NKAIN2: variants seen among roughly 807,000 people sequenced by gnomAD.
The protein encoded by NKAIN2 is sodium/potassium transporting ATPase interacting 2.
Under a neutral mutation model 32.6 loss-of-function variants are expected in NKAIN2, and 14 were observed. That is an observed-to-expected ratio of 0.43 (90% confidence interval 0.28 to 0.67). NKAIN2 has a LOEUF of 0.67. Among genes scored for constraint, NKAIN2 ranks in the 30% least tolerant of loss-of-function variants. NKAIN2 has a pLI of 0.17. For missense variants in NKAIN2, 198 were observed against 258.3 expected, an observed-to-expected ratio of 0.77 and a Z score of 1.60; for synonymous variants, 80 against 87.2, an observed-to-expected ratio of 0.92 and a Z score of 0.46.
At chr6:124,467,578 G>A (rs1776812225) in intron 3 of NKAIN2, among the ~76,000 whole-genome samples, 1 of 152,150 alleles carries the variant, frequency 6.6e-6, no homozygotes, top group Non-Finnish European at 1.5e-5. Context: ...AAAACTCAGA[G>A]AAGGCTCTCC....
chr6:124,282,260 C>T (rs775467639), intron 1 of NKAIN2: 3 of 362,378 alleles, frequency 8.3e-6, no homozygotes, highest in African/African-American at 2.3e-5. Context: ...TAATTTAAAT[C>T]GACTTAAGTG....
chr6:124,486,976 T>C (rs1457339381), intron 3 of NKAIN2, among the ~76,000 whole-genome samples: 1 of 152,162 alleles, frequency 6.6e-6, no homozygotes, highest in African/African-American at 2.4e-5. Flanking sequence ...TGTAAACAGT[T>C]GGCTCGAGAC....
intron 3 of NKAIN2, among the ~76,000 whole-genome samples, chr6:124,375,708 G>A (rs937754265): frequency 3.3e-5 from 5 of 151,910 alleles, no homozygotes; most frequent in African/African-American, 7.2e-5. Context: ...ATCAGCTCAC[G>A]AGAAAATGTT....
intron 3 of NKAIN2, among the ~76,000 whole-genome samples, chr6:124,389,067 A>G (rs1371546883): frequency 6.6e-6 from 1 of 152,126 alleles, no homozygotes. Flanking sequence ...AAACAGAATC[A>G]CACATAATAC....
chr6:124,658,941 TCA>T, intron 4 of NKAIN2: 1 of 133,072 alleles, frequency 7.5e-6, no homozygotes, highest in Non-Finnish European at 1.6e-5. Flanking sequence ...CCCCCATTTT[TCA>T]TAGTACTGTA....
intron 1 of NKAIN2, among the ~76,000 whole-genome samples, chr6:124,184,280 C>T (rs1168939494): frequency 2.6e-5 from 4 of 151,990 alleles, no homozygotes; most frequent in Non-Finnish European, 5.9e-5. Flanking sequence ...GTTATCTCTA[C>T]CTGGGAACCT....
At chr6:124,508,843 A>G (rs1485744539) in intron 3 of NKAIN2, among the ~76,000 whole-genome samples, 2 of 152,138 alleles carry the variant, frequency 1.3e-5, no homozygotes, top group African/African-American at 4.8e-5. Flanking sequence ...CTTCATCATC[A>G]CATGACCATC....
At chr6:123,926,178 G>C (rs1308733939) in intron 1 of NKAIN2, among the ~76,000 whole-genome samples, 1 of 152,132 alleles carries the variant, frequency 6.6e-6, no homozygotes, top group African/African-American at 2.4e-5. Flanking sequence ...AATTTGGGAG[G>C]AGGGGGTCAC....
At chr6:123,962,545 G>C (rs1777894025) in intron 1 of NKAIN2, among the ~76,000 whole-genome samples, 1 of 152,128 alleles carries the variant, frequency 6.6e-6, no homozygotes, top group South Asian at 2.1e-4. Flanking sequence ...TACGTTTACT[G>C]TTTCTCCTTA....
At chr6:124,678,405 C>CT (rs751818093) in intron 4 of NKAIN2, among the ~76,000 whole-genome samples, 12 of 151,960 alleles carry the variant, frequency 7.9e-5, no homozygotes, top group Non-Finnish European at 1.5e-4. Context: ...TTTCTTCATT[C>CT]TTTTTTTATT....
chr6:124,098,838 C>G (rs530763843), intron 1 of NKAIN2, among the ~76,000 whole-genome samples: 1 of 152,096 alleles, frequency 6.6e-6, no homozygotes, highest in South Asian at 2.1e-4. Context: ...CCACTGCACT[C>G]CAGCCTGGGC....
rs184912908 is a variant in NKAIN2 at position 124,266,295 on chromosome 6, A to T, written c.55-16710A>T. On this transcript the variant is annotated intron_variant, in intron 1 of 6. Coordinates refer to ENST00000368417, the MANE Select transcript of NKAIN2 (RefSeq NM_001040214.3). ...ATATGGCTGGCTTCTCACATTATTT[A>T]ACCCATATTTATCACTCTGCTGCCC... is the stretch of plus-strand genomic sequence containing the variant. Among the ~76,000 whole-genome samples the T allele has an allele frequency of 2.0e-4, 30 of 152,182 alleles. No homozygotes were observed. The East Asian group carries it at 5.0e-3, about 26-fold the overall frequency.
intron 4 of NKAIN2, among the ~76,000 whole-genome samples, chr6:124,748,391 C>T (rs1453295567): frequency 6.6e-6 from 1 of 151,892 alleles, no homozygotes; most frequent in Non-Finnish European, 1.5e-5. Flanking sequence ...CTCTTAACAC[C>T]TACAGGCACT....
intron 3 of NKAIN2, among the ~76,000 whole-genome samples, chr6:124,640,095 C>T (rs569927549): frequency 1.3e-5 from 2 of 152,162 alleles, no homozygotes; most frequent in East Asian, 1.9e-4. Flanking sequence ...ACAATTACTA[C>T]GTGTCAACCG....
chr6:123,988,064 A>G (rs934692418), intron 1 of NKAIN2, among the ~76,000 whole-genome samples: 3 of 152,200 alleles, frequency 2.0e-5, no homozygotes, highest in East Asian at 1.9e-4. Context: ...CTCACGTTTT[A>G]TATGCATTTC....
At chr6:124,089,349 A>G (rs1190530544) in intron 1 of NKAIN2, among the ~76,000 whole-genome samples, 1 of 151,778 alleles carries the variant, frequency 6.6e-6, no homozygotes, top group Non-Finnish European at 1.5e-5. Context: ...CTAGTTGCTA[A>G]GTTGACATCT....
intron 4 of NKAIN2, among the ~76,000 whole-genome samples, chr6:124,771,353 T>A (rs1437301917): frequency 6.6e-6 from 1 of 152,158 alleles, no homozygotes; most frequent in African/African-American, 2.4e-5. Flanking sequence ...TTTGGAATAA[T>A]ATACCCTCAA....
At chr6:124,004,313 C>CTTCA (rs1779990378) in intron 1 of NKAIN2, among the ~76,000 whole-genome samples, 1 of 151,980 alleles carries the variant, frequency 6.6e-6, no homozygotes, top group Non-Finnish European at 1.5e-5. Flanking sequence ...CAGGATAGAT[C>CTTCA]TTCAGTAAAG....
At chr6:124,358,660 T>C (rs984847712) in intron 3 of NKAIN2, among the ~76,000 whole-genome samples, 3 of 152,216 alleles carry the variant, frequency 2.0e-5, no homozygotes, top group African/African-American at 7.2e-5. Context: ...TCATTGTAGA[T>C]TCTGGATATT....
Sources: gnomAD v4.1 joint callset for allele counts (sites outside exome capture counted in the v4.1 genomes callset) on GRCh38, gnomAD v4.1.1 for gene constraint, MANE v1.5 for transcripts, NCBI Gene and HGNC (gene_info 2026-07-23, HGNC 2026-07-21) for gene names.